The following JAG1 variants were observed in gnomAD, a reference collection of about 807,000 sequenced individuals.
JAG1 encodes the protein protein jagged-1.
A neutral mutation model predicts 148.7 loss-of-function variants in JAG1; 23 were observed. That is an observed-to-expected ratio of 0.15 (90% CI 0.11 to 0.22). JAG1 has a LOEUF of 0.22. Ranked by LOEUF, JAG1 falls within the 10% of genes least tolerant of loss-of-function variation. JAG1 has a pLI of 1.00. For synonymous variants in JAG1, 572 were observed against 598.3 expected, an observed-to-expected ratio of 0.96 and a Z score of 0.64; for missense variants, 1,054 against 1,611.2, an observed-to-expected ratio of 0.65 and a Z score of 5.92.
chr20:10,648,730 AG>A lies in JAG1; in HGVS notation c.1396-9del. On this transcript the variant is annotated splice_polypyrimidine_tract_variant and intron_variant, in intron 11 of 25. Transcript: ENST00000254958. Reference sequence around the variant, plus strand: ...ATAACCATTAACCAAATCCTAGAAGAGGAGAAGGGGAGAGAGAGACACATGC... The same window carrying A: ...ATAACCATTAACCAAATCCTAGAAGAGAGAAGGGGAGAGAGAGACACATGC... The A allele has an allele frequency of 1.2e-6, 2 of 1,613,842 alleles. No homozygotes were observed. The highest frequency in any genetic ancestry group is 1.7e-6 in the Non-Finnish European group (2 of 1,179,690).
At chr20:10,671,820 C>G (rs542074784) in intron 2 of JAG1, among the ~76,000 whole-genome samples, 2 of 152,290 alleles carry the variant, frequency 1.3e-5, no homozygotes, top group African/African-American at 4.8e-5. Flanking sequence ...CAGCTGGGCC[C>G]GGGCCTCGAG....
chr20:10,669,547 C>CCAAAAAA (rs2067480718), intron 2 of JAG1, among the ~76,000 whole-genome samples: 2 of 44,198 alleles, frequency 4.5e-5, no homozygotes, highest in African/African-American at 1.7e-4. Context: ...TTGGATTTTC[C>CCAAAAAA]AAAAAAAAAA....
chr20:10,649,194 T>TA (rs1205709302), intron 10 of JAG1, 87 bp from the exon 11 acceptor site: 4 of 916,208 alleles, frequency 4.4e-6, no homozygotes, highest in Non-Finnish European at 7.1e-6. Context: ...TCAGGATAGA[T>TA]AAGTTTCAAA....
rs1175539595 is a variant in JAG1 at position 10,650,380 on chromosome 20, G to A, written c.1121-20C>T. ...CAATGTCTGGTCAACAAGAAAAGGA[G>A]GGGGTTGACAATTTAATTCAATCCA... On this transcript the variant is annotated intron_variant, in intron 8 of 25. Transcript: ENST00000254958. The A allele has an allele frequency of 1.4e-6, 2 of 1,381,636 alleles. No individual in the cohort carries two copies. Among genetic ancestry groups the A allele is most frequent in the Non-Finnish European group, 2.1e-6 (2 of 969,948 alleles). The allele number at this position is 1,381,636 out of a possible 1,614,324, so 85.6% of individuals were successfully genotyped here.
chr20:10,638,730 G>A lies in JAG1; in HGVS notation c.*768C>T, dbSNP rs1223368286. The A allele has an allele frequency of 6.6e-6, 1 of 152,506 alleles. No individual in the cohort carries two copies. Among genetic ancestry groups the A allele is most frequent in the Admixed American group, 6.5e-5 (1 of 15,270 alleles). 9.4% of individuals were successfully genotyped at this position (152,506 alleles called of 1,614,324 possible). The stretch of plus-strand genomic sequence containing the variant: ...TCAAACACCTTAATTTTGGCTTATA[G>A]GCAACAAGTAATGAGAAGAGTTCAA... On this transcript the variant is annotated 3_prime_UTR_variant, in exon 26 of 26. Transcript: ENST00000254958.
chr20:10,668,038 C>T (rs1169690673), intron 2 of JAG1, among the ~76,000 whole-genome samples: 1 of 143,286 alleles, frequency 7.0e-6, no homozygotes, highest in South Asian at 2.2e-4. Flanking sequence ...AGCCACCTTG[C>T]GGAATTTCTT....
chr20:10,641,980 C>A, intron 21 of JAG1, 88 bp from the exon 22 acceptor site: 1 of 870,656 alleles, frequency 1.1e-6, no homozygotes, highest in Non-Finnish European at 2.0e-6. Flanking sequence ...AATGGTTATG[C>A]CTGTGCCCTT....
intron 5 of JAG1, among the ~76,000 whole-genome samples, chr20:10,653,947 GT>G (rs776421709): frequency 2.6e-4 from 39 of 152,192 alleles, no homozygotes; most frequent in Middle Eastern, 6.8e-3. Flanking sequence ...CTGGATTCTG[GT>G]TTATGTAAAA....
At chr20:10,655,312 C>T (rs2067371313) in intron 5 of JAG1, among the ~76,000 whole-genome samples, 1 of 152,194 alleles carries the variant, frequency 6.6e-6, no homozygotes, top group African/African-American at 2.4e-5. Flanking sequence ...CTGGGCCAAA[C>T]CAAGGACTAG....
chr20:10,656,408 C>T lies in JAG1; in HGVS notation c.745G>A (p.Gly249Ser). The T allele has an allele frequency of 6.2e-7, 1 of 1,613,700 alleles. No homozygotes were observed. The highest frequency in any genetic ancestry group is 8.5e-7 in the Non-Finnish European group (1 of 1,179,612). Residue 249 changes from glycine to serine, a missense_variant, in exon 5 of 26, where the codon GGT becomes AGT. Physicochemically the swap from Gly to Ser is moderately conservative, Grantham distance 56. Transcript: ENST00000254958. Reference protein sequence around the residue: ...SPKHGSCKLPGDCRCQYGWQG... With the variant: ...SPKHGSCKLPSDCRCQYGWQG... ...GACCAGTTGATTTACCTGCAGTCAC[C>T]TGGGAGTTTGCAAGACCCATGCTTA...
At chr20:10,672,316 G>A (rs914871499) in intron 2 of JAG1, among the ~76,000 whole-genome samples, 1 of 152,184 alleles carries the variant, frequency 6.6e-6, no homozygotes, top group Non-Finnish European at 1.5e-5. Flanking sequence ...GCGCCGAGTC[G>A]CCTTCCACGG....
At position 10,642,533 on chromosome 20, in the gene JAG1, G is replaced by A. The variant is rs201608372; in HGVS notation, c.2527C>T (p.Arg843Trp). 2.9e-5 allele frequency: 47 copies of A among 1,613,752 alleles called. No homozygotes were observed. The highest frequency in any genetic ancestry group is 3.3e-4 in the Middle Eastern group (2 of 6,082). Residue 843 changes from arginine (R) to tryptophan (W), a missense_variant, in exon 21 of 26, where the codon CGG becomes TGG. Physicochemically the swap from Arg to Trp is moderately radical, Grantham distance 101. This residue lies in a region of JAG1 where 342 missense variants were observed against 514.6 expected (regional missense o/e 0.66). Coordinates refer to ENST00000254958, the MANE Select transcript of JAG1 (RefSeq NM_000214.3). ...CTGTGCCCTGGAGGGCAGACACACC[G>A]GTAGCCATTGATCTCATCCACACAG... The part of the protein sequence containing the change: ...ATCVDEINGY[R>W]CVCPPGHSGA...
At position 10,652,606 on chromosome 20, in the gene JAG1, C is replaced by T; in HGVS notation, c.756-8G>A. 1 of 1,613,742 alleles carries T rather than the reference C, an allele frequency of 6.2e-7. No homozygotes were observed. The highest frequency in any genetic ancestry group is 8.5e-7 in the Non-Finnish European group (1 of 1,179,822). On this transcript the variant is annotated splice_region_variant and splice_polypyrimidine_tract_variant and intron_variant, in intron 5 of 25. Coordinates refer to ENST00000254958, the MANE Select transcript of JAG1 (RefSeq NM_000214.3). ...TGCCAGCCGTACTGGCACCTGGAGA[C>T]ACACAGCACACCTCCAGGTTAGCCT...
Position 10,639,345 on chromosome 20 carries a change from A to T in JAG1, c.*153T>A. On this transcript the variant is annotated 3_prime_UTR_variant, in exon 26 of 26. Transcript: ENST00000254958. ...CACTCGATTTCCCAGCCAACCACAG[A>T]AACTACCATTGCCAGTGTAAGCCAG... 1 of 782,088 alleles carries T rather than the reference A, an allele frequency of 1.3e-6. No homozygotes were observed. Among genetic ancestry groups the T allele is most frequent in the Non-Finnish European group, 2.3e-6 (1 of 439,192 alleles). The allele number at this position is 782,088 out of a possible 1,614,324, so 48.4% of individuals were successfully genotyped here.
chr20:10,670,219 T>C (rs1363699225), intron 2 of JAG1, among the ~76,000 whole-genome samples: 1 of 152,052 alleles, frequency 6.6e-6, no homozygotes, highest in Non-Finnish European at 1.5e-5. Context: ...GGGTCATAAT[T>C]CCAAACAAAA....
At chr20:10,640,087 C>CT in intron 25 of JAG1, 132 bp from the exon 26 acceptor site, 1 of 750,374 alleles carries the variant, frequency 1.3e-6, no homozygotes, top group Non-Finnish European at 2.3e-6. Flanking sequence ...GGACAAGTCC[C>CT]TTTTCATCAT....
At position 10,647,956 on chromosome 20, in the gene JAG1, G is replaced by T. The variant is rs966288638; in HGVS notation, c.1720+4C>A. ...ACAGCCAGGTCCCGGGAGAAGGGAG[G>T]TACCTTCACAGGGGGTCGTGCGGCA... On this transcript the variant is annotated splice_donor_region_variant and intron_variant, in intron 13 of 25. Coordinates refer to ENST00000254958, the MANE Select transcript of JAG1 (RefSeq NM_000214.3). 2 of 1,614,084 alleles carry T rather than the reference G, an allele frequency of 1.2e-6. No individual in the cohort carries two copies. Among genetic ancestry groups the T allele is most frequent in the South Asian group, 2.2e-5 (2 of 91,074 alleles).
At chr20:10,640,642 C>A in intron 25 of JAG1, 141 bp downstream of exon 25, 1 of 838,224 alleles carries the variant, frequency 1.2e-6, no homozygotes, top group Non-Finnish European at 2.0e-6. Flanking sequence ...GTAAAGTAGG[C>A]TGCCCTCAGT....
At chr20:10,658,163 A>C (rs2067390700) in intron 4 of JAG1, among the ~76,000 whole-genome samples, 1 of 152,174 alleles carries the variant, frequency 6.6e-6, no homozygotes, top group African/African-American at 2.4e-5. Flanking sequence ...TCTGTCAATC[A>C]CTGACTGTGA....
Sources: gnomAD v4.1 joint callset for allele counts (sites outside exome capture counted in the v4.1 genomes callset) on GRCh38, gnomAD v4.1.1 for gene constraint, gnomAD v4.1.1 regional missense constraint, MANE v1.5 for transcripts, NCBI Gene and HGNC (gene_info 2026-07-23, HGNC 2026-07-21) for gene names.